Variants in PUS10 observed in about 807,000 individuals in gnomAD.
The protein encoded by PUS10 is pseudouridine synthase 10.
PUS10 carries 59 observed loss-of-function variants against 75.0 expected under a neutral mutation model. The ratio of observed to expected loss-of-function variants is 0.79; its 90% confidence interval spans 0.64 to 0.98. PUS10 has a LOEUF of 0.98. Ranked by LOEUF, PUS10 falls within the 50% of genes least tolerant of loss-of-function variation. The probability of loss-of-function intolerance (pLI) is 0.00; values close to 1 mark genes in which losing one functional copy is unlikely to be tolerated. For missense variants in PUS10, 650 were observed against 614.4 expected (o/e 1.06, Z -0.61); for synonymous variants, 219 against 211.6 (o/e 1.03, Z -0.30).
chr2:60,981,680 C>G (rs1298798441), intron 4 of PUS10, among the ~76,000 whole-genome samples: 2 of 152,122 alleles, frequency 1.3e-5, no homozygotes, highest in Non-Finnish European at 2.9e-5. Context: ...ATTTTTCAAA[C>G]AAAATAATTT....
At chr2:60,981,335 T>C (rs1334639693) in intron 4 of PUS10, among the ~76,000 whole-genome samples, 1 of 151,962 alleles carries the variant, frequency 6.6e-6, no homozygotes, top group Admixed American at 6.6e-5. Context: ...CAGGCTGGAG[T>C]GCAACAGCAA....
chr2:60,979,326 T>A (rs984809076), intron 4 of PUS10, among the ~76,000 whole-genome samples: 1 of 152,158 alleles, frequency 6.6e-6, no homozygotes, highest in Non-Finnish European at 1.5e-5. Context: ...CCCAGCATGC[T>A]AGTGCCTTAA....
intron 4 of PUS10, among the ~76,000 whole-genome samples, chr2:60,973,182 C>T (rs1011882253): frequency 6.6e-6 from 1 of 152,244 alleles, no homozygotes; most frequent in Non-Finnish European, 1.5e-5. Context: ...AAGCACCCGG[C>T]CAAAGGCACA....
chr2:61,005,504 T>C (rs1314353292), intron 4 of PUS10, among the ~76,000 whole-genome samples: 1 of 151,972 alleles, frequency 6.6e-6, no homozygotes, highest in Admixed American at 6.6e-5. Context: ...ATTCAGAAAA[T>C]ATACTTCTTA....
intron 16 of PUS10, 68 bp from the exon 17 acceptor site, chr2:60,945,176 C>G: frequency 1.1e-6 from 1 of 936,262 alleles, no homozygotes; most frequent in Non-Finnish European, 1.7e-6. Context: ...ATTTGACAGG[C>G]AAAAATAATA....
At chr2:61,009,982 A>G (rs1417340096) in intron 2 of PUS10, 3 of 152,384 alleles carry the variant, frequency 2.0e-5, no homozygotes, top group South Asian at 4.1e-4. Flanking sequence ...TAATATAGAT[A>G]TAACATAGTG....
chr2:60,969,612 A>T (rs1259306751), intron 5 of PUS10, among the ~76,000 whole-genome samples: 1 of 152,092 alleles, frequency 6.6e-6, no homozygotes, highest in Non-Finnish European at 1.5e-5. Context: ...AAGGCAATTA[A>T]TTTTTTTTGT....
At chr2:60,948,703 G>A (rs1675145981) in intron 15 of PUS10, among the ~76,000 whole-genome samples, 1 of 152,086 alleles carries the variant, frequency 6.6e-6, no homozygotes, top group East Asian at 1.9e-4. Flanking sequence ...ATAATAAACC[G>A]GGACCTTTCA....
intron 4 of PUS10, among the ~76,000 whole-genome samples, chr2:60,972,623 A>G (rs541657860): frequency 2.0e-5 from 3 of 152,332 alleles, no homozygotes; most frequent in Non-Finnish European, 2.9e-5. Context: ...TTTTGTAAAC[A>G]TGACGGAAAC....
At chr2:61,012,983 T>A (rs2104750100) in intron 1 of PUS10, among the ~76,000 whole-genome samples, 1 of 148,058 alleles carries the variant, frequency 6.8e-6, no homozygotes, top group Admixed American at 6.8e-5. Context: ...GTGGCTCACA[T>A]CTATAGTCTC....
intron 4 of PUS10, among the ~76,000 whole-genome samples, chr2:60,989,920 C>G (rs1677973040): frequency 1.3e-5 from 2 of 152,162 alleles, no homozygotes; most frequent in Non-Finnish European, 2.9e-5. Context: ...CCACCACGCC[C>G]AGGCTCAACT....
At chr2:60,987,285 G>A (rs987570856) in intron 4 of PUS10, among the ~76,000 whole-genome samples, 2 of 152,162 alleles carry the variant, frequency 1.3e-5, no homozygotes, top group South Asian at 2.1e-4. Flanking sequence ...AATAAGACAC[G>A]GGAAAGGAGA....
At chr2:60,995,122 A>G (rs1678367068) in intron 4 of PUS10, among the ~76,000 whole-genome samples, 2 of 152,174 alleles carry the variant, frequency 1.3e-5, no homozygotes, top group African/African-American at 2.4e-5. Context: ...AGTTTAATAG[A>G]TCAGAGTTCA....
rs536126027 is a variant in PUS10, at chr2:61,008,884, A to G, written c.258T>C (p.Asn86=). 1.2e-5 allele frequency: 19 copies of G among 1,613,984 alleles called. No homozygotes were observed. The African/African-American group carries it at 2.1e-4, about 18-fold the overall frequency. The change falls in exon 3 of 18, where the codon AAT becomes AAC. Residue 86 remains asparagine, a synonymous_variant. Transcript: ENST00000316752. ...GACTAACAGAGATCCTTCCCTCTCCATTTTGACTTAGATTATCAATACTAT... is the reference window on the plus strand; with the variant it reads ...GACTAACAGAGATCCTTCCCTCTCCGTTTTGACTTAGATTATCAATACTAT... The part of the protein sequence containing the change: ...LEDSIDNLSQ[N]GEGRISVSHV...
chr2:60,962,859 G>A lies in PUS10; in HGVS notation c.755C>T (p.Ala252Val). The stretch of plus-strand genomic sequence containing the variant: ...ATCCTCTTCCTTTATCTTATTCAAG[G>A]CTTTCATAACTGCCATTCTAGTGAA... The part of the protein sequence containing the change: ...SVFTRMAVMK[A>V]LNKIKEEDFL... The change falls in exon 9 of 18, where the codon GCC (alanine) becomes GTC (valine). Residue 252 changes from alanine (A) to valine (V), a missense_variant. Ala to Val is a moderately conservative substitution (Grantham distance 64). Transcript: ENST00000316752. 1.3e-6 allele frequency: 2 copies of A among 1,570,248 alleles called. No individual in the cohort carries two copies. Among genetic ancestry groups the A allele is most frequent in the Non-Finnish European group, 1.7e-6 (2 of 1,164,416 alleles).
rs151289069 is a variant in PUS10 at position 60,967,513 on chromosome 2, T to C, written c.604A>G (p.Ile202Val). Reference protein sequence around the residue: ...PLFSEELGVPIDGKSLFEVSV... With the variant: ...PLFSEELGVPVDGKSLFEVSV... Reference sequence around the variant, plus strand: ...TGTTGACCCAATACCTTTCCATCAATGGGAACACCCAGTTCCTCTGAAAAC... The same window carrying C: ...TGTTGACCCAATACCTTTCCATCAACGGGAACACCCAGTTCCTCTGAAAAC... Residue 202 changes from isoleucine to valine, a missense_variant, in exon 6 of 18, where the codon ATT becomes GTT. By Grantham distance (29) the Ile-to-Val change is conservative (BLOSUM62 3). Coordinates refer to ENST00000316752, the MANE Select transcript of PUS10 (RefSeq NM_144709.4). 25 of 1,591,580 alleles carry C rather than the reference T, an allele frequency of 1.6e-5. No individual in the cohort carries two copies. The African/African-American group carries it at 2.8e-4, about 18-fold the overall frequency.
chr2:60,973,277 CAA>C (rs1205233027), intron 4 of PUS10, among the ~76,000 whole-genome samples: 2 of 152,214 alleles, frequency 1.3e-5, no homozygotes, highest in African/African-American at 2.4e-5. Flanking sequence ...GGGGAAAACG[CAA>C]AGAGGCAGGC....
At chr2:60,985,074 A>G (rs1015802567) in intron 4 of PUS10, among the ~76,000 whole-genome samples, 2 of 152,224 alleles carry the variant, frequency 1.3e-5, no homozygotes, top group African/African-American at 4.8e-5. Context: ...AATCCTTTTC[A>G]GAAATTTAAA....
chr2:60,956,714 G>A (rs575307899), intron 11 of PUS10, among the ~76,000 whole-genome samples: 4 of 152,100 alleles, frequency 2.6e-5, no homozygotes, highest in East Asian at 1.9e-4. Flanking sequence ...GGTGGCTCAC[G>A]CCTGTAATCC....
Sources: allele counts gnomAD v4.1 joint callset (sites outside exome capture counted in the v4.1 genomes callset), GRCh38; gene constraint gnomAD v4.1.1; transcripts MANE v1.5; gene names NCBI Gene and HGNC (gene_info 2026-07-23, HGNC 2026-07-21).